NPAS3: variants seen among roughly 807,000 people sequenced by gnomAD.
The protein encoded by NPAS3 is neuronal PAS domain protein 3.
In NPAS3, 14 loss-of-function variants were observed where a neutral mutation model predicts 73.1. The observed-to-expected ratio is 0.19, with a 90% CI of 0.13 to 0.30. The LOEUF (loss-of-function observed/expected upper bound fraction) is 0.30, where lower values mean the gene tolerates loss of function less well. Ranked by LOEUF, NPAS3 falls within the 10% of genes least tolerant of loss-of-function variation. The pLI is 1.00. For missense variants in NPAS3, 1,096 were observed against 1,250.0 expected, an observed-to-expected ratio of 0.88 and a Z score of 1.86; for synonymous variants, 620 against 541.5, an observed-to-expected ratio of 1.14 and a Z score of -2.01.
At chr14:33,211,705 A>G (rs894007489) in intron 2 of NPAS3, among the ~76,000 whole-genome samples, 2 of 152,210 alleles carry the variant, frequency 1.3e-5, no homozygotes, top group African/African-American at 4.8e-5. Context: ...ATCCAGATAC[A>G]TACATACATA....
intron 4 of NPAS3, among the ~76,000 whole-genome samples, chr14:33,483,871 A>G (rs545621417): frequency 6.6e-6 from 1 of 152,356 alleles, no homozygotes; most frequent in Non-Finnish European, 1.5e-5. Flanking sequence ...TATTTCCAGC[A>G]GAAATACTGC....
chr14:33,238,711 C>T (rs974740919), intron 3 of NPAS3, among the ~76,000 whole-genome samples: 7 of 151,878 alleles, frequency 4.6e-5, no homozygotes, highest in African/African-American at 1.7e-4. Context: ...GTAACTTTTA[C>T]CTAGTGGGGC....
At chr14:33,385,404 G>A (rs968935832) in intron 4 of NPAS3, among the ~76,000 whole-genome samples, 4 of 152,128 alleles carry the variant, frequency 2.6e-5, no homozygotes, top group Admixed American at 2.0e-4. Flanking sequence ...GTTGCTCATA[G>A]CTGTTTTAGA....
chr14:33,789,750 G>A (rs965178782), intron 9 of NPAS3, among the ~76,000 whole-genome samples: 17 of 132,132 alleles, frequency 1.3e-4, no homozygotes, highest in Admixed American at 3.7e-4. Flanking sequence ...CACCACGCCC[G>A]GCTAATTTTT....
intron 3 of NPAS3, among the ~76,000 whole-genome samples, chr14:33,328,078 A>G (rs909523629): frequency 4.1e-4 from 62 of 152,170 alleles, no homozygotes; most frequent in Non-Finnish European, 1.5e-4. Flanking sequence ...ATCATGATGG[A>G]TGTATTTGAA....
chr14:33,372,930 G>A (rs1249251170), intron 4 of NPAS3, among the ~76,000 whole-genome samples: 1 of 152,100 alleles, frequency 6.6e-6, no homozygotes, highest in Non-Finnish European at 1.5e-5. Context: ...TGCTTTCAAC[G>A]TTCTCTTAGG....
intron 1 of NPAS3, among the ~76,000 whole-genome samples, chr14:32,972,445 A>G (rs1332162968): frequency 6.6e-6 from 1 of 152,232 alleles, no homozygotes; most frequent in Admixed American, 6.5e-5. Context: ...TGCTCAATAT[A>G]AAATACACAC....
At chr14:33,634,560 CAGAG>C (rs1211313991) in intron 5 of NPAS3, among the ~76,000 whole-genome samples, 1 of 152,136 alleles carries the variant, frequency 6.6e-6, no homozygotes, top group Non-Finnish European at 1.5e-5. Flanking sequence ...TGGACAGTAA[CAGAG>C]AGCACCAGGA....
intron 1 of NPAS3, among the ~76,000 whole-genome samples, chr14:32,958,280 C>G (rs549082806): frequency 6.6e-6 from 1 of 152,164 alleles, no homozygotes; most frequent in African/African-American, 2.4e-5. Flanking sequence ...ACCCCATGAA[C>G]CTACCATTAT....
chr14:32,934,964 C>G, upstream of NPAS3: 1 of 1,307,026 alleles, frequency 7.7e-7, no homozygotes, highest in Non-Finnish European at 9.8e-7. The surrounding 1 kb of genome is among the most constrained non-coding windows in gnomAD (Gnocchi z 4.1). Flanking sequence ...GCCAACGGCA[C>G]CCCGCAGAAC....
At chr14:33,655,430 A>C (rs2059118504) in intron 5 of NPAS3, among the ~76,000 whole-genome samples, 1 of 151,496 alleles carries the variant, frequency 6.6e-6, no homozygotes, top group Non-Finnish European at 1.5e-5. Context: ...CTTTTAACAC[A>C]ACAGGGCAAT....
At chr14:33,659,307 A>G (rs1053677011) in intron 5 of NPAS3, among the ~76,000 whole-genome samples, 3 of 152,220 alleles carry the variant, frequency 2.0e-5, no homozygotes, top group African/African-American at 7.2e-5. Context: ...ACTTGCCCAA[A>G]GTGGGTAATG....
chr14:33,610,495 T>G (rs1158339785), intron 5 of NPAS3, among the ~76,000 whole-genome samples: 1 of 152,182 alleles, frequency 6.6e-6, no homozygotes, highest in African/African-American at 2.4e-5. Context: ...CAGTTAGAAA[T>G]GCTCTTGTAT....
intron 1 of NPAS3, among the ~76,000 whole-genome samples, chr14:33,039,137 C>G (rs1318391678): frequency 6.6e-6 from 1 of 152,122 alleles, no homozygotes; most frequent in Non-Finnish European, 1.5e-5. Flanking sequence ...ATTGAGTGAT[C>G]TATAGCATCA....
chr14:33,336,217 CT>C (rs1439993466), intron 3 of NPAS3, among the ~76,000 whole-genome samples: 1 of 152,138 alleles, frequency 6.6e-6, no homozygotes, highest in Non-Finnish European at 1.5e-5. Flanking sequence ...AAACAACATT[CT>C]TTTTATTCAC....
intron 2 of NPAS3, among the ~76,000 whole-genome samples, chr14:33,108,333 A>G (rs1452645611): frequency 1.3e-5 from 2 of 151,856 alleles, no homozygotes. Context: ...AGCTGGGACT[A>G]CAGGTGCCCA....
intron 4 of NPAS3, among the ~76,000 whole-genome samples, chr14:33,395,633 A>G (rs1230954028): frequency 6.6e-6 from 1 of 152,176 alleles, no homozygotes; most frequent in Non-Finnish European, 1.5e-5. Flanking sequence ...TATTTAGTAT[A>G]TTAAATACAA....
intron 2 of NPAS3, among the ~76,000 whole-genome samples, chr14:33,101,370 G>A (rs539712529): frequency 1.3e-5 from 2 of 152,226 alleles, no homozygotes; most frequent in African/African-American, 4.8e-5. Flanking sequence ...AAGAGTGCAG[G>A]TGTATTGTAA....
chr14:33,051,199 AGGAAG>A (rs1566505487), intron 1 of NPAS3, among the ~76,000 whole-genome samples: 1 of 148,472 alleles, frequency 6.7e-6, no homozygotes, highest in Non-Finnish European at 1.5e-5. Flanking sequence ...GCGTGAACCC[AGGAAG>A]CGGAGCTTGC....
Sources: gnomAD v4.1 joint callset for allele counts (sites outside exome capture counted in the v4.1 genomes callset) on GRCh38, gnomAD v4.1.1 for gene constraint, Gnocchi (gnomAD v3.1) non-coding constraint, MANE v1.5 for transcripts, NCBI Gene and HGNC (gene_info 2026-07-23, HGNC 2026-07-21) for gene names.